The following WDR70 variants were observed in gnomAD, a reference collection of about 807,000 sequenced individuals.
The protein encoded by WDR70 is WD repeat domain 70, also known as WD repeat-containing protein 70.
A neutral mutation model predicts 88.6 loss-of-function variants in WDR70; 53 were observed. The observed-to-expected ratio is 0.60, with a 90% CI of 0.48 to 0.75. WDR70 has a LOEUF of 0.75. Ranked by LOEUF, WDR70 falls within the 30% of genes least tolerant of loss-of-function variation. The pLI, the probability that WDR70 is intolerant of heterozygous loss-of-function variation, is 0.00. For synonymous variants in WDR70, 280 were observed against 270.0 expected (o/e 1.04, Z -0.36); for missense variants, 610 against 823.2 (o/e 0.74, Z 3.17).
chr5:37,552,532 A>G (rs950996621), intron 9 of WDR70, among the ~76,000 whole-genome samples: 6 of 152,228 alleles, frequency 3.9e-5, no homozygotes, highest in African/African-American at 1.4e-4. Flanking sequence ...GAGTGAAAGC[A>G]GTGGATAGCA....
chr5:37,599,861 C>G (rs1561917604), intron 9 of WDR70, among the ~76,000 whole-genome samples: 1 of 151,160 alleles, frequency 6.6e-6, no homozygotes, highest in African/African-American at 2.4e-5. Context: ...CTGCTGTACT[C>G]TAGCCTGGGC....
chr5:37,652,241 A>G (rs1745429638), intron 10 of WDR70, among the ~76,000 whole-genome samples: 1 of 152,168 alleles, frequency 6.6e-6, no homozygotes, highest in Admixed American at 6.5e-5. Flanking sequence ...CAAAGATCAG[A>G]TGGTTGTAGA....
chr5:37,628,312 A>G (rs80148190), intron 10 of WDR70, among the ~76,000 whole-genome samples: 1,609 of 152,212 alleles, frequency 0.011, 21 homozygotes, highest in African/African-American at 0.036. Flanking sequence ...TCCCTACTAC[A>G]TATTGAAGTG....
intron 5 of WDR70, among the ~76,000 whole-genome samples, chr5:37,407,460 G>T (rs1192723125): frequency 6.6e-6 from 1 of 151,902 alleles, no homozygotes; most frequent in Non-Finnish European, 1.5e-5. Context: ...GGAGGCGGAG[G>T]TTGCAACGAG....
At chr5:37,387,151 T>C (rs1018460158) in intron 3 of WDR70, among the ~76,000 whole-genome samples, 32 of 151,910 alleles carry the variant, frequency 2.1e-4, no homozygotes, top group East Asian at 7.7e-4. Context: ...GGATTTTTAA[T>C]TGGGGGACCT....
intron 10 of WDR70, among the ~76,000 whole-genome samples, chr5:37,641,917 A>G (rs1745114556): frequency 6.6e-6 from 1 of 152,198 alleles, no homozygotes; most frequent in Non-Finnish European, 1.5e-5. Context: ...TTCTGTGGCC[A>G]AAGAGAGTTG....
chr5:37,638,497 A>G (rs1372625712), intron 10 of WDR70, among the ~76,000 whole-genome samples: 1 of 152,190 alleles, frequency 6.6e-6, no homozygotes, highest in Non-Finnish European at 1.5e-5. Flanking sequence ...GCGCACATAC[A>G]CATAAAGAGC....
At chr5:37,612,829 T>C (rs1200753547) in intron 10 of WDR70, among the ~76,000 whole-genome samples, 1 of 152,186 alleles carries the variant, frequency 6.6e-6, no homozygotes, top group East Asian at 1.9e-4. Context: ...GATACATCAA[T>C]TATAATGATC....
chr5:37,667,658 A>G (rs1014494620), intron 10 of WDR70, among the ~76,000 whole-genome samples: 3 of 152,236 alleles, frequency 2.0e-5, no homozygotes, highest in East Asian at 1.9e-4. Context: ...TGTATTAGCT[A>G]TGGCTGCTTT....
At chr5:37,455,636 C>CTTTTTTTTTTTTTTTTTTTTTTT (rs59254502) in intron 7 of WDR70, among the ~76,000 whole-genome samples, 1 of 70,422 alleles carries the variant, frequency 1.4e-5, no homozygotes. Context: ...TTCTCTTTAT[C>CTTTTTTTTTTTTTTTTTTTTTTT]TTTTTTTTTT....
Position 37,560,254 on chromosome 5 carries a change from G to C in WDR70, c.917+43664G>C, listed in dbSNP as rs538049810. The stretch of plus-strand genomic sequence containing the variant: ...TAATGTTGTATTGTTTGGAGAAGCA[G>C]ATCAGGGCCAGATATTTTTCAAAAT... On this transcript the variant is annotated intron_variant, in intron 9 of 17. Transcript: ENST00000265107. 1.0e-3 allele frequency among the ~76,000 whole-genome samples: 159 copies of C among 152,232 alleles called. 2 individuals carry two copies. The highest frequency in any genetic ancestry group is 0.01 in the Middle Eastern group (3 of 294).
At chr5:37,492,170 T>A (rs1222687560) in intron 8 of WDR70, among the ~76,000 whole-genome samples, 1 of 152,198 alleles carries the variant, frequency 6.6e-6, no homozygotes, top group African/African-American at 2.4e-5. Flanking sequence ...AGGAGGGAGA[T>A]AAACCAATCC....
intron 9 of WDR70, among the ~76,000 whole-genome samples, chr5:37,577,178 G>A (rs1581407385): frequency 6.6e-6 from 1 of 152,194 alleles, no homozygotes; most frequent in African/African-American, 2.4e-5. Context: ...ATGAAGTATA[G>A]TTATAGTTTA....
chr5:37,395,960 C>G (rs1235128698), intron 4 of WDR70, among the ~76,000 whole-genome samples: 1 of 152,094 alleles, frequency 6.6e-6, no homozygotes, highest in Non-Finnish European at 1.5e-5. Context: ...GCCACCACAC[C>G]TGGCTAATTT....
At chr5:37,526,969 T>C (rs181649002) in intron 9 of WDR70, among the ~76,000 whole-genome samples, 6 of 152,112 alleles carry the variant, frequency 3.9e-5, no homozygotes, top group African/African-American at 9.6e-5. Flanking sequence ...CACTGCTCAA[T>C]GAAATGAAAG....
chr5:37,602,044 G>T (rs1743898156), intron 9 of WDR70, among the ~76,000 whole-genome samples: 1 of 123,600 alleles, frequency 8.1e-6, no homozygotes. Context: ...ATAGGGAGGG[G>T]AACGTCACAC....
At chr5:37,675,069 T>C (rs1746158987) in intron 10 of WDR70, among the ~76,000 whole-genome samples, 2 of 151,962 alleles carry the variant, frequency 1.3e-5, no homozygotes. Flanking sequence ...CGCCCACTTT[T>C]TGATGCGGTT....
chr5:37,430,634 C>G (rs1750273922), intron 5 of WDR70, among the ~76,000 whole-genome samples: 1 of 151,740 alleles, frequency 6.6e-6, no homozygotes, highest in Middle Eastern at 3.2e-3. Flanking sequence ...GATCTCAGCT[C>G]ACTGCAACCT....
At chr5:37,474,421 TGATTGTA>T (rs998023327) in intron 7 of WDR70, among the ~76,000 whole-genome samples, 7 of 152,224 alleles carry the variant, frequency 4.6e-5, no homozygotes, top group East Asian at 3.9e-4. Context: ...TCTCCGAGTG[TGATTGTA>T]GATTTGCCTG....
Sources: allele counts gnomAD v4.1 joint callset (sites outside exome capture counted in the v4.1 genomes callset), GRCh38; gene constraint gnomAD v4.1.1; transcripts MANE v1.5; gene names NCBI Gene and HGNC (gene_info 2026-07-23, HGNC 2026-07-21).